PRUNE2: variants seen among roughly 807,000 people sequenced by gnomAD.
PRUNE2 encodes the protein prune homolog 2 with BCH domain.
In PRUNE2, 164 loss-of-function variants were observed where a neutral mutation model predicts 252.0. The ratio of observed to expected loss-of-function variants is 0.65; its 90% CI spans 0.57 to 0.74. The LOEUF is 0.74. Ranked by LOEUF, PRUNE2 falls within the 30% of genes least tolerant of loss-of-function variation. The pLI is 0.00. For missense variants in PRUNE2, 3,495 were observed against 3,711.0 expected (o/e 0.94, Z 1.51); for synonymous variants, 1,292 against 1,350.2 (o/e 0.96, Z 0.94).
chr9:76,765,497 G>A (rs1022395610), intron 6 of PRUNE2, among the ~76,000 whole-genome samples: 1 of 152,170 alleles, frequency 6.6e-6, no homozygotes, highest in Non-Finnish European at 1.5e-5. Context: ...ATAGAGACAG[G>A]CACTATAAAC....
chr9:76,658,401 C>T (rs1447743031), intron 9 of PRUNE2, among the ~76,000 whole-genome samples: 1 of 152,136 alleles, frequency 6.6e-6, no homozygotes, highest in Non-Finnish European at 1.5e-5. Flanking sequence ...GTTAGAAAAC[C>T]CCTGGGACAG....
Position 76,710,614 on chromosome 9 carries a change from G to A in PRUNE2, c.1660C>T (p.Leu554Phe), listed in dbSNP as rs2046652071. 2 of 1,613,522 alleles carry A rather than the reference G, an allele frequency of 1.2e-6. No homozygotes were observed. The highest frequency in any genetic ancestry group is 2.2e-5 in the East Asian group (1 of 44,878). ...CTATCTTTGCCAGCCCCTGACAAAAGTGAACTGGATGAATAATTAGACATG... is the reference window on the plus strand; with the variant it reads ...CTATCTTTGCCAGCCCCTGACAAAAATGAACTGGATGAATAATTAGACATG... ...TNMSNYSSSS[L>F]LSGAGKDSLV... is the part of the protein sequence containing the mutation. Residue 554 changes from leucine to phenylalanine, a missense_variant, in exon 8 of 19, where the codon CTT becomes TTT. Leu to Phe is a conservative substitution (Grantham distance 22, BLOSUM62 0). Coordinates refer to ENST00000376718, the MANE Select transcript of PRUNE2 (RefSeq NM_015225.3).
chr9:76,857,205 C>T, intron 1 of PRUNE2: 3 of 451,022 alleles, frequency 6.7e-6, no homozygotes, highest in South Asian at 4.7e-5. Context: ...TCAGCACTCT[C>T]TTTCCCCCTC....
chr9:76,683,956 T>G (rs1658397632), intron 9 of PRUNE2, among the ~76,000 whole-genome samples: 1 of 151,176 alleles, frequency 6.6e-6, no homozygotes, highest in African/African-American at 2.4e-5. Flanking sequence ...ATTATATATA[T>G]ATACACATAT....
intron 4 of PRUNE2, among the ~76,000 whole-genome samples, chr9:76,831,571 G>A (rs971920732): frequency 2.0e-5 from 3 of 151,958 alleles, no homozygotes; most frequent in Non-Finnish European, 2.9e-5. Context: ...AGCTGTTTTA[G>A]GTTCTAAGAT....
rs550069435 is a variant in PRUNE2 at position 76,740,687 on chromosome 9, A to G, written c.757-26966T>C. On this transcript the variant is annotated intron_variant, in intron 6 of 18. Transcript: ENST00000376718. ...CCTTGCTTAAGAATAAGAACCCTTT[A>G]TATTTAATTAAACATTTTTATAATT... 2.0e-5 allele frequency among the ~76,000 whole-genome samples: 3 copies of G among 152,248 alleles called. No individual in the cohort carries two copies. In the South Asian group the frequency reaches 6.2e-4, roughly 32 times the overall value.
chr9:76,802,047 T>C (rs1050693446), intron 6 of PRUNE2, among the ~76,000 whole-genome samples: 1 of 152,190 alleles, frequency 6.6e-6, no homozygotes, highest in East Asian at 1.9e-4. Flanking sequence ...TTTTTAATAC[T>C]AATTGAAGCT....
At chr9:76,873,125 G>A (rs938118491) in intron 1 of PRUNE2, among the ~76,000 whole-genome samples, 5 of 151,560 alleles carry the variant, frequency 3.3e-5, no homozygotes, top group African/African-American at 7.3e-5. Context: ...AGTACCTTCC[G>A]AGGAAGCCTG....
chr9:76,764,087 G>A (rs1380681116), intron 6 of PRUNE2, among the ~76,000 whole-genome samples: 1 of 152,138 alleles, frequency 6.6e-6, no homozygotes, highest in African/African-American at 2.4e-5. Flanking sequence ...TGCATTCATT[G>A]ATTCGTTGAT....
chr9:76,887,910 T>C (rs1283407264), intron 1 of PRUNE2, among the ~76,000 whole-genome samples: 1 of 152,160 alleles, frequency 6.6e-6, no homozygotes, highest in Admixed American at 6.5e-5. Context: ...CCTAAAATGA[T>C]TCCTAAAACC....
chr9:76,841,066 A>G (rs542705095), intron 4 of PRUNE2, among the ~76,000 whole-genome samples: 81 of 152,192 alleles, frequency 5.3e-4, no homozygotes, highest in African/African-American at 1.3e-3. Context: ...AACAAGATCA[A>G]TGCAGAAGGG....
At chr9:76,753,578 C>G (rs1564217802) in intron 6 of PRUNE2, among the ~76,000 whole-genome samples, 1 of 152,060 alleles carries the variant, frequency 6.6e-6, no homozygotes, top group Non-Finnish European at 1.5e-5. Context: ...CCAGGCCTGC[C>G]AGTGCTCACC....
At chr9:76,861,331 A>G (rs2060532957) in intron 1 of PRUNE2, among the ~76,000 whole-genome samples, 1 of 152,174 alleles carries the variant, frequency 6.6e-6, no homozygotes, top group Admixed American at 6.5e-5. Context: ...TTTGTTTCCA[A>G]CACCATTCTC....
chr9:76,629,341 C>A, intron 15 of PRUNE2, 51 bp from the exon 16 acceptor site: 1 of 943,796 alleles, frequency 1.1e-6, no homozygotes, highest in Non-Finnish European at 1.6e-6. Flanking sequence ...CTACCTTATC[C>A]ATTCTAAGGC....
At chr9:76,778,094 T>TA (rs2053994806) in intron 6 of PRUNE2, among the ~76,000 whole-genome samples, 1 of 152,170 alleles carries the variant, frequency 6.6e-6, no homozygotes, top group South Asian at 2.1e-4. Flanking sequence ...AAGGAGCTTT[T>TA]AAAAAATACC....
intron 1 of PRUNE2, among the ~76,000 whole-genome samples, chr9:76,868,291 CCTGT>C (rs10568817): frequency 0.062 from 9,387 of 152,246 alleles, 374 homozygotes; most frequent in East Asian, 0.18. Context: ...AACTCTTCCA[CCTGT>C]CTTTTTCCAC....
At chr9:76,683,006 T>C (rs964144894) in intron 9 of PRUNE2, among the ~76,000 whole-genome samples, 1 of 152,196 alleles carries the variant, frequency 6.6e-6, no homozygotes, top group African/African-American at 2.4e-5. Context: ...TCAGATGTAA[T>C]AGTTAGCCCA....
In PRUNE2 at chr9:76,844,323, T is replaced by C. The variant is rs1030974864; in HGVS notation, c.508+2192A>G. Among the ~76,000 whole-genome samples, 11 of 152,066 alleles carry C rather than the reference T, an allele frequency of 7.2e-5. 1 individual carries two copies. Among genetic ancestry groups the C allele is most frequent in the African/African-American group, 2.7e-4 (11 of 41,392 alleles). On this transcript the variant is annotated intron_variant, in intron 4 of 18. Coordinates refer to ENST00000376718, the MANE Select transcript of PRUNE2 (RefSeq NM_015225.3). ...CCTGTAGTAATGAGTTCACCTGAGA[T>C]CTGGTTGTTAAAAAAGGTCTGGGAC...
At chr9:76,676,995 C>T (rs1394868795) in intron 9 of PRUNE2, among the ~76,000 whole-genome samples, 1 of 152,186 alleles carries the variant, frequency 6.6e-6, no homozygotes, top group Non-Finnish European at 1.5e-5. Flanking sequence ...TCTGAAGGTC[C>T]GATCTGTGCA....
Sources: allele counts gnomAD v4.1 joint callset (sites outside exome capture counted in the v4.1 genomes callset), GRCh38; gene constraint gnomAD v4.1.1; transcripts MANE v1.5; gene names NCBI Gene and HGNC (gene_info 2026-07-23, HGNC 2026-07-21).